The following ANKS1B variants were observed in gnomAD, a reference collection of about 807,000 sequenced individuals.
ANKS1B encodes ankyrin repeat and sterile alpha motif domain-containing protein 1B.
ANKS1B carries 36 observed loss-of-function variants against 148.3 expected under a neutral mutation model. That is an observed-to-expected ratio of 0.24 (90% CI 0.19 to 0.32). ANKS1B has a LOEUF of 0.32. Among genes scored for constraint, ANKS1B ranks in the 10% least tolerant of loss-of-function variants. The pLI is 1.00. For synonymous variants in ANKS1B, 542 were observed against 560.8 expected, an observed-to-expected ratio of 0.97 and a Z score of 0.47; for missense variants, 1,157 against 1,542.6, an observed-to-expected ratio of 0.75 and a Z score of 4.19.
chr12:99,922,353 C>T (rs1041345924), intron 1 of ANKS1B, among the ~76,000 whole-genome samples: 1 of 151,948 alleles, frequency 6.6e-6, no homozygotes, highest in Non-Finnish European at 1.5e-5. Flanking sequence ...CCAAAGGATA[C>T]ATATTAAATT....
chr12:99,758,637 A>C (rs2061791152), intron 8 of ANKS1B, among the ~76,000 whole-genome samples: 2 of 151,946 alleles, frequency 1.3e-5, no homozygotes, highest in African/African-American at 4.8e-5. Flanking sequence ...CAGATGAGAA[A>C]TCTAAAGATC....
At chr12:99,670,375 A>T (rs2098531364) in intron 8 of ANKS1B, among the ~76,000 whole-genome samples, 1 of 152,088 alleles carries the variant, frequency 6.6e-6, no homozygotes, top group Non-Finnish European at 1.5e-5. Flanking sequence ...TATTCAATTA[A>T]TTTTTTGCAT....
chr12:98,827,415 C>A (rs2099258217), intron 19 of ANKS1B, among the ~76,000 whole-genome samples: 1 of 152,164 alleles, frequency 6.6e-6, no homozygotes, highest in Non-Finnish European at 1.5e-5. Context: ...CATCAGCCTG[C>A]TTATCTCACT....
intron 1 of ANKS1B, among the ~76,000 whole-genome samples, chr12:99,845,189 G>A (rs1167674507): frequency 6.6e-6 from 1 of 152,160 alleles, no homozygotes; most frequent in Non-Finnish European, 1.5e-5. Flanking sequence ...AAGATAGATT[G>A]ACTTCCTCTC....
At chr12:99,949,187 C>T (rs1296852935) in intron 1 of ANKS1B, among the ~76,000 whole-genome samples, 1 of 152,200 alleles carries the variant, frequency 6.6e-6, no homozygotes, top group African/African-American at 2.4e-5. Flanking sequence ...CAAACTCAGT[C>T]TCTCCCAAAG....
At chr12:99,792,426 C>T (rs567293390) in intron 4 of ANKS1B, among the ~76,000 whole-genome samples, 20 of 151,824 alleles carry the variant, frequency 1.3e-4, no homozygotes, top group African/African-American at 4.6e-4. Flanking sequence ...TACCCCAAGA[C>T]ACACCAAAAA....
chr12:99,378,340 G>A (rs1473955222), intron 12 of ANKS1B, among the ~76,000 whole-genome samples: 1 of 152,098 alleles, frequency 6.6e-6, no homozygotes. Context: ...CTTAAGAATT[G>A]TGTTGCTGAA....
At chr12:98,883,353 A>G (rs1241730292) in intron 17 of ANKS1B, among the ~76,000 whole-genome samples, 1 of 152,188 alleles carries the variant, frequency 6.6e-6, no homozygotes, top group Non-Finnish European at 1.5e-5. Flanking sequence ...TCAGGCCTCA[A>G]TCTGAAAGTA....
chr12:99,962,596 C>T (rs1370566606), intron 1 of ANKS1B, among the ~76,000 whole-genome samples: 1 of 152,124 alleles, frequency 6.6e-6, no homozygotes, highest in African/African-American at 2.4e-5. Context: ...AATGGTATTT[C>T]TGGTTCTAGA....
At chr12:99,468,379 G>T (rs1432650249) in intron 10 of ANKS1B, among the ~76,000 whole-genome samples, 1 of 152,142 alleles carries the variant, frequency 6.6e-6, no homozygotes, top group Non-Finnish European at 1.5e-5. Flanking sequence ...ATAGGCATGG[G>T]CAAGGACTTC....
chr12:99,299,511 T>A (rs1566839209), intron 12 of ANKS1B, among the ~76,000 whole-genome samples: 1 of 152,212 alleles, frequency 6.6e-6, no homozygotes, highest in Non-Finnish European at 1.5e-5. Context: ...TGAACTGTAA[T>A]AAAAATGAAA....
intron 15 of ANKS1B, among the ~76,000 whole-genome samples, chr12:99,145,435 C>T (rs2072692809): frequency 6.6e-6 from 1 of 152,042 alleles, no homozygotes; most frequent in African/African-American, 2.4e-5. Flanking sequence ...GGAAGGCTCC[C>T]TGGAGCAAGG....
intron 1 of ANKS1B, among the ~76,000 whole-genome samples, chr12:99,909,217 C>CATATGT (rs1399208524): frequency 1.2e-3 from 166 of 137,392 alleles, no homozygotes; most frequent in African/African-American, 4.2e-3. Flanking sequence ...AATATTCCAT[C>CATATGT]GTGTGTGTGT....
At chr12:98,771,671 G>C (rs1263964115) in intron 25 of ANKS1B, among the ~76,000 whole-genome samples, 2 of 152,058 alleles carry the variant, frequency 1.3e-5, no homozygotes, top group African/African-American at 4.8e-5. Flanking sequence ...TAGAGATGGG[G>C]TTTCATCATG....
In ANKS1B at chr12:99,736,313, T is replaced by G. The variant is rs200751261; in HGVS notation, c.1128+36609A>C. On this transcript the variant is annotated intron_variant, in intron 8 of 26. Coordinates refer to ENST00000683438, the MANE Select transcript of ANKS1B (RefSeq NM_001352186.2). Reference sequence around the variant, plus strand: ...ACTGGAAAAGAAGTAAAATTGTCCCTCTTTGCAGACAATTTGATCTTATAT... The same window carrying G: ...ACTGGAAAAGAAGTAAAATTGTCCCGCTTTGCAGACAATTTGATCTTATAT... Among the ~76,000 whole-genome samples the G allele has an allele frequency of 9.9e-5, 15 of 152,042 alleles. No homozygotes were observed. In the East Asian group the frequency reaches 2.7e-3, roughly 27 times the overall value.
chr12:99,422,812 A>G (rs1305752692), intron 11 of ANKS1B, among the ~76,000 whole-genome samples: 1 of 152,170 alleles, frequency 6.6e-6, no homozygotes, highest in African/African-American at 2.4e-5. Context: ...GAGGTGGTAA[A>G]AAGAGATATA....
Position 99,192,131 on chromosome 12 carries a change from CAAAAAAAAA to C in ANKS1B, c.2420-37745_2420-37737del, listed in dbSNP as rs35767286. Among the ~76,000 whole-genome samples, 3 of 57,800 alleles carry C rather than the reference CAAAAAAAAA, an allele frequency of 5.2e-5. No homozygotes were observed. In the East Asian group the frequency reaches 1.6e-3, roughly 31 times the overall value. 37.9% of individuals were successfully genotyped at this position (57,800 alleles called of 152,430 possible). On this transcript the variant is annotated intron_variant, in intron 14 of 26. Transcript: ENST00000683438. ...TGAGTGACAGAGCAAGACTCCATCT[CAAAAAAAAA>C]AAAAAAAAAAAAAAAAGTCACATAT...
intron 24 of ANKS1B, among the ~76,000 whole-genome samples, chr12:98,780,820 T>G (rs2098727043): frequency 6.6e-6 from 1 of 152,168 alleles, no homozygotes; most frequent in Non-Finnish European, 1.5e-5. Flanking sequence ...AGGGACATGC[T>G]GGATAATAAG....
intron 1 of ANKS1B, among the ~76,000 whole-genome samples, chr12:99,896,950 T>C (rs1445779742): frequency 6.6e-6 from 1 of 151,292 alleles, no homozygotes; most frequent in East Asian, 1.9e-4. Flanking sequence ...TCAATATTTA[T>C]AGTTGTTGTC....
Sources: allele counts gnomAD v4.1 joint callset (sites outside exome capture counted in the v4.1 genomes callset), GRCh38; gene constraint gnomAD v4.1.1; transcripts MANE v1.5; gene names NCBI Gene and HGNC (gene_info 2026-07-23, HGNC 2026-07-21).